Variants in ZNF804A observed in about 807,000 individuals in gnomAD.
ZNF804A encodes zinc finger protein 804A.
Under a neutral mutation model 16.5 loss-of-function variants are expected in ZNF804A, and 2 were observed. That is an observed-to-expected ratio of 0.12 (90% CI 0.05 to 0.38). ZNF804A has a LOEUF of 0.38. Ranked by LOEUF, ZNF804A falls within the 10% of genes least tolerant of loss-of-function variation. The probability of loss-of-function intolerance (pLI) is 0.99; values close to 1 mark genes in which losing one functional copy is unlikely to be tolerated. For synonymous variants in ZNF804A, 534 were observed against 489.6 expected (o/e 1.09, Z -1.20); for missense variants, 1,473 against 1,390.7 (o/e 1.06, Z -0.94).
chr2:184,708,360 A>G (rs1176125272), intron 1 of ZNF804A, among the ~76,000 whole-genome samples: 2 of 152,152 alleles, frequency 1.3e-5, no homozygotes. Flanking sequence ...AATAAAAAGA[A>G]CAAAGCCAGA....
At position 184,876,448 on chromosome 2, in the gene ZNF804A, G is replaced by A. The variant is rs150681910; in HGVS notation, c.255+9936G>A. Among the ~76,000 whole-genome samples the A allele has an allele frequency of 2.9e-3, 434 of 151,916 alleles. 4 individuals carry two copies. The highest frequency in any genetic ancestry group is 0.01 in the African/African-American group (418 of 41,450). On this transcript the variant is annotated intron_variant, in intron 2 of 3. Coordinates refer to ENST00000302277, the MANE Select transcript of ZNF804A (RefSeq NM_194250.2). ...TGAACTTCTGATGGTTTTTATTTTA[G>A]CCATTTAGAACATTGTTCTCTTAGA...
chr2:184,935,550 C>T (rs1011803345), intron 3 of ZNF804A, among the ~76,000 whole-genome samples: 2 of 152,096 alleles, frequency 1.3e-5, no homozygotes, highest in Non-Finnish European at 2.9e-5. Flanking sequence ...TTGCTCATAA[C>T]AGCTATAAAA....
intron 1 of ZNF804A, among the ~76,000 whole-genome samples, chr2:184,680,115 G>C (rs1692511855): frequency 6.6e-6 from 1 of 152,122 alleles, no homozygotes; most frequent in African/African-American, 2.4e-5. Context: ...GCTACCCACT[G>C]TGGGTCTCCT....
chr2:184,636,068 T>C (rs931320591), intron 1 of ZNF804A, among the ~76,000 whole-genome samples: 5 of 152,208 alleles, frequency 3.3e-5, no homozygotes, highest in African/African-American at 1.2e-4. Context: ...AAGTGAAAAT[T>C]ATTTTTATTA....
At chr2:184,811,042 A>G (rs1347364183) in intron 1 of ZNF804A, among the ~76,000 whole-genome samples, 2 of 152,110 alleles carry the variant, frequency 1.3e-5, no homozygotes, top group African/African-American at 4.8e-5. Flanking sequence ...AAGATATTGG[A>G]TGTACAGATG....
chr2:184,668,998 C>T (rs1692298273), intron 1 of ZNF804A, among the ~76,000 whole-genome samples: 2 of 151,894 alleles, frequency 1.3e-5, no homozygotes, highest in South Asian at 2.1e-4. Flanking sequence ...AACTGAGCCT[C>T]ATACCTGCTC....
chr2:184,618,952 A>G (rs569893063), intron 1 of ZNF804A, among the ~76,000 whole-genome samples: 9 of 152,248 alleles, frequency 5.9e-5, no homozygotes, highest in South Asian at 4.1e-4. Flanking sequence ...CAGGGAGAGT[A>G]TAAGAAGATA....
intron 1 of ZNF804A, among the ~76,000 whole-genome samples, chr2:184,689,044 ATATACACACTAGTAGAATATGGAATAT>A (rs1192294974): frequency 6.6e-6 from 1 of 152,148 alleles, no homozygotes; most frequent in East Asian, 1.9e-4. Flanking sequence ...TTAATAACAC[ATATACACACTAGTAGAATATGGAATAT>A]TCTACACACA....
rs73043208 is a variant in ZNF804A, at chr2:184,631,471, C to A, written c.111+32401C>A. ...ATAATACTAAAAGTCACTGGCATATCATCTTTTGCTATGATTGATTCTGCA... is the reference window on the plus strand; with the variant it reads ...ATAATACTAAAAGTCACTGGCATATAATCTTTTGCTATGATTGATTCTGCA... On this transcript the variant is annotated intron_variant, in intron 1 of 3. Transcript: ENST00000302277. 7.0e-3 allele frequency among the ~76,000 whole-genome samples: 1,064 copies of A among 152,174 alleles called. 11 individuals carry two copies. The highest frequency in any genetic ancestry group is 0.025 in the African/African-American group (1,019 of 41,510).
At chr2:184,898,907 T>C (rs570243167) in intron 2 of ZNF804A, among the ~76,000 whole-genome samples, 1 of 152,112 alleles carries the variant, frequency 6.6e-6, no homozygotes, top group East Asian at 1.9e-4. Context: ...AAGTTGTAAT[T>C]GTGTAACTAT....
In ZNF804A at chr2:184,938,126, T is replaced by C. The variant is rs1456287110; in HGVS notation, c.2730T>C (p.Val910=). ...CCACTTCTGGTGAATTGTCAGATGT[T>C]TCCAATGATCCCACCACATCTGTCT... The part of the protein sequence containing the change: ...METTSGELSD[V]SNDPTTSVCV... The change falls in exon 4 of 4, where the codon GTT becomes GTC. Residue 910 remains valine (V), a synonymous_variant. Coordinates refer to ENST00000302277, the MANE Select transcript of ZNF804A (RefSeq NM_194250.2). The C allele has an allele frequency of 6.2e-7, 1 of 1,614,122 alleles. No homozygotes were observed. Among genetic ancestry groups the C allele is most frequent in the Non-Finnish European group, 8.5e-7 (1 of 1,180,012 alleles).
At chr2:184,908,671 A>G (rs1220348762) in intron 2 of ZNF804A, among the ~76,000 whole-genome samples, 3 of 152,140 alleles carry the variant, frequency 2.0e-5, no homozygotes, top group Non-Finnish European at 4.4e-5. Context: ...ACTAAATTTT[A>G]AACAGTTCCA....
intron 1 of ZNF804A, among the ~76,000 whole-genome samples, chr2:184,674,866 T>A (rs1380811241): frequency 6.6e-6 from 1 of 151,862 alleles, no homozygotes; most frequent in Non-Finnish European, 1.5e-5. Flanking sequence ...CAACAACTTT[T>A]TAATTAAAAT....
chr2:184,888,482 C>T (rs943793570), intron 2 of ZNF804A, among the ~76,000 whole-genome samples: 1 of 152,038 alleles, frequency 6.6e-6, no homozygotes, highest in Non-Finnish European at 1.5e-5. Flanking sequence ...TTATTTAGAT[C>T]CCTTGCTCAA....
intron 1 of ZNF804A, among the ~76,000 whole-genome samples, chr2:184,807,096 GA>G (rs140181218): frequency 2.7e-5 from 4 of 148,870 alleles, no homozygotes; most frequent in Non-Finnish European, 6.0e-5. Flanking sequence ...TGAATATTTT[GA>G]AAAAAAAACT....
chr2:184,836,699 T>A (rs141701360), intron 1 of ZNF804A, among the ~76,000 whole-genome samples: 5,381 of 124,468 alleles, frequency 0.043, 134 homozygotes, highest in Non-Finnish European at 0.063. Context: ...ATATATATAT[T>A]TTTTTTTTAT....
At chr2:184,685,518 A>C (rs1228871795) in intron 1 of ZNF804A, among the ~76,000 whole-genome samples, 4 of 151,998 alleles carry the variant, frequency 2.6e-5, no homozygotes, top group Non-Finnish European at 5.9e-5. Context: ...AGGTATGCGG[A>C]CAATTGGAGC....
intron 1 of ZNF804A, among the ~76,000 whole-genome samples, chr2:184,647,378 C>G (rs1691895802): frequency 6.6e-6 from 1 of 152,192 alleles, no homozygotes; most frequent in African/African-American, 2.4e-5. Context: ...CATTAGATCT[C>G]TTACAGTGGT....
At chr2:184,899,072 A>G (rs1291620532) in intron 2 of ZNF804A, among the ~76,000 whole-genome samples, 1 of 151,948 alleles carries the variant, frequency 6.6e-6, no homozygotes, top group Non-Finnish European at 1.5e-5. Flanking sequence ...TGAATTTTTT[A>G]TATAATGACA....
Sources: allele counts gnomAD v4.1 joint callset (sites outside exome capture counted in the v4.1 genomes callset), GRCh38; gene constraint gnomAD v4.1.1; transcripts MANE v1.5; gene names NCBI Gene and HGNC (gene_info 2026-07-23, HGNC 2026-07-21).